PPP1R13B: variants seen among roughly 807,000 people sequenced by gnomAD.
PPP1R13B encodes apoptosis-stimulating of p53 protein 1.
Under a neutral mutation model 119.8 loss-of-function variants are expected in PPP1R13B, and 44 were observed. That is an observed-to-expected ratio of 0.37 (90% CI 0.29 to 0.47). The LOEUF (loss-of-function observed/expected upper bound fraction) is 0.47, where lower values mean the gene tolerates loss of function less well. PPP1R13B is among the 20% of genes least tolerant of loss of function. PPP1R13B has a pLI of 0.99. For missense variants in PPP1R13B, 1,227 were observed against 1,413.5 expected (o/e 0.87, Z 2.12); for synonymous variants, 542 against 561.5 (o/e 0.97, Z 0.49).
At chr14:103,769,039 A>G (rs2085003059) in intron 4 of PPP1R13B, among the ~76,000 whole-genome samples, 1 of 152,146 alleles carries the variant, frequency 6.6e-6, no homozygotes, top group Non-Finnish European at 1.5e-5. Context: ...GTTTACAGAA[A>G]ATGTCTTTAA....
chr14:103,833,124 G>A (rs1027768613), intron 1 of PPP1R13B, among the ~76,000 whole-genome samples: 7 of 152,178 alleles, frequency 4.6e-5, no homozygotes, highest in African/African-American at 1.7e-4. Flanking sequence ...ACTTAAAAAT[G>A]GCTAAAATGG....
intron 1 of PPP1R13B, among the ~76,000 whole-genome samples, chr14:103,798,148 ATC>A (rs959236235): frequency 7.8e-6 from 1 of 127,566 alleles, no homozygotes; most frequent in Non-Finnish European, 1.7e-5. Context: ...AAATATAATA[ATC>A]TCTTTTTTTT....
In PPP1R13B at chr14:103,734,293, C is replaced by T. The variant is rs894719777; in HGVS notation, c.*861G>A. On this transcript the variant is annotated 3_prime_UTR_variant, in exon 17 of 17. Coordinates refer to ENST00000202556, the MANE Select transcript of PPP1R13B (RefSeq NM_015316.3). The stretch of plus-strand genomic sequence containing the variant: ...GCACCAAACAGCCCCGTCTACCTGG[C>T]CCTGGTCTGCCCTCACACCAGTCCA... 14 of 340,746 alleles carry T rather than the reference C, an allele frequency of 4.1e-5. No individual in the cohort carries two copies. Among genetic ancestry groups the T allele is most frequent in the Admixed American group, 1.5e-4 (4 of 26,532 alleles). 21.1% of individuals were successfully genotyped at this position (340,746 alleles called of 1,614,324 possible).
In PPP1R13B at chr14:103,741,899, G is replaced by C. The variant is rs762321356; in HGVS notation, c.1713C>G (p.Pro571=). Residue 571 remains proline, a synonymous_variant, in exon 11 of 17, where the codon CCC becomes CCG. Transcript: ENST00000202556. ...ATATGGAACTTGAATTCACTGTCTG[G>C]GGTCCTTTCCTGGGAGACTGTGGCC... ...GSRPQSPRKG[P]QTVNSSSIYS... 9.3e-6 allele frequency: 15 copies of C among 1,614,210 alleles called. No individual in the cohort carries two copies. Among genetic ancestry groups the C allele is most frequent in the Non-Finnish European group, 1.3e-5 (15 of 1,180,034 alleles).
rs1331835693 is a variant in PPP1R13B at position 103,740,673 on chromosome 14, C to G, written c.1823-80G>C. On this transcript the variant is annotated intron_variant, in intron 11 of 16. Transcript: ENST00000202556. The surrounding 1 kb of genome is among the most constrained non-coding windows in gnomAD (Gnocchi z 4.6). ...TACACACCTATGATTACACCAGAGACAGGCTCCTGCAAAGACACACATATA... is the reference window on the plus strand; with the variant it reads ...TACACACCTATGATTACACCAGAGAGAGGCTCCTGCAAAGACACACATATA... 1 of 1,219,208 alleles carries G rather than the reference C, an allele frequency of 8.2e-7. No individual in the cohort carries two copies. The highest frequency in any genetic ancestry group is 1.1e-6 in the Non-Finnish European group (1 of 928,090). 75.5% of individuals were successfully genotyped at this position (1,219,208 alleles called of 1,614,324 possible). A position where few individuals can be genotyped will look rare whatever the true frequency, so the allele number is the denominator to read the frequency against.
At chr14:103,772,599 C>G (rs2085097213) in intron 4 of PPP1R13B, among the ~76,000 whole-genome samples, 3 of 151,942 alleles carry the variant, frequency 2.0e-5, no homozygotes, top group Admixed American at 1.3e-4. Context: ...TGGTGAACAC[C>G]TTTCCATGTG....
chr14:103,776,103 C>T (rs1438071750), intron 4 of PPP1R13B, among the ~76,000 whole-genome samples: 11 of 147,360 alleles, frequency 7.5e-5, no homozygotes, highest in Non-Finnish European at 1.5e-4. Flanking sequence ...TATTGTCAAC[C>T]TTTACAACAT....
chr14:103,800,287 T>C (rs975336498), intron 1 of PPP1R13B, among the ~76,000 whole-genome samples: 3 of 152,070 alleles, frequency 2.0e-5, no homozygotes, highest in Non-Finnish European at 4.4e-5. Flanking sequence ...CACTGCACTC[T>C]AGCCTGGGCA....
chr14:103,790,616 A>G (rs1372953809), intron 2 of PPP1R13B, among the ~76,000 whole-genome samples: 1 of 151,314 alleles, frequency 6.6e-6, no homozygotes, highest in African/African-American at 2.4e-5. Context: ...ATCTTTACTA[A>G]AAGTGCAGAA....
At chr14:103,787,754 C>T (rs879601008) in intron 2 of PPP1R13B, among the ~76,000 whole-genome samples, 3 of 149,266 alleles carry the variant, frequency 2.0e-5, no homozygotes, top group African/African-American at 4.9e-5. Context: ...CCGGGTTTTA[C>T]GCCATTCTCC....
rs984354961 is a variant in PPP1R13B at position 103,733,635 on chromosome 14, A to C, written c.*1519T>G. On this transcript the variant is annotated 3_prime_UTR_variant, in exon 17 of 17. Coordinates refer to ENST00000202556, the MANE Select transcript of PPP1R13B (RefSeq NM_015316.3). Reference sequence around the variant, plus strand: ...TGACTGTACAGCAATTTGTATATAAAGCTTATGATTAAAAACTATTTTGAA... The same window carrying C: ...TGACTGTACAGCAATTTGTATATAACGCTTATGATTAAAAACTATTTTGAA... The C allele has an allele frequency of 6.5e-6, 1 of 152,748 alleles. No individual in the cohort carries two copies. The highest frequency in any genetic ancestry group is 2.4e-5 in the African/African-American group (1 of 41,464). The allele number at this position is 152,748 out of a possible 1,614,324, so 9.5% of individuals were successfully genotyped here. A position where few individuals can be genotyped will look rare whatever the true frequency, so the allele number is the denominator to read the frequency against.
chr14:103,780,156 A>G (rs1465134423), intron 3 of PPP1R13B, among the ~76,000 whole-genome samples: 3 of 147,060 alleles, frequency 2.0e-5, no homozygotes, highest in Non-Finnish European at 4.5e-5. Context: ...CTCAAAAAAA[A>G]CCAAAACTAA....
At chr14:103,784,705 G>A (rs2085415802) in intron 3 of PPP1R13B, 90 bp downstream of exon 3, 3 of 1,298,938 alleles carry the variant, frequency 2.3e-6, no homozygotes, top group Non-Finnish European at 2.1e-6. Context: ...AGGGCCGGGT[G>A]TGTGTGAATA....
intron 1 of PPP1R13B, among the ~76,000 whole-genome samples, chr14:103,808,223 G>A (rs1310132357): frequency 8.6e-5 from 13 of 150,366 alleles, no homozygotes; most frequent in African/African-American, 2.9e-4. Flanking sequence ...CAGCCCGGGC[G>A]ACAGTGACTC....
At position 103,829,978 on chromosome 14, in the gene PPP1R13B, C is replaced by T. The variant is rs980564644; in HGVS notation, c.9+17321G>A. Among the ~76,000 whole-genome samples, 38 of 152,082 alleles carry T rather than the reference C, an allele frequency of 2.5e-4. No homozygotes were observed. The East Asian group carries it at 2.9e-3, about 12-fold the overall frequency. ...ATTTTTAGTAGAGACAGGGTTTCAC[C>T]GTGTTGGCCAGGATGGTCTCCATCT... is the stretch of plus-strand genomic sequence containing the variant. On this transcript the variant is annotated intron_variant, in intron 1 of 16. Transcript: ENST00000202556.
chr14:103,785,288 T>C (rs923090400), intron 2 of PPP1R13B, among the ~76,000 whole-genome samples: 1 of 152,164 alleles, frequency 6.6e-6, no homozygotes, highest in African/African-American at 2.4e-5. Flanking sequence ...GGCACCATCT[T>C]GGCTCACCGC....
intron 4 of PPP1R13B, among the ~76,000 whole-genome samples, chr14:103,760,713 C>T (rs554621218): frequency 1.3e-5 from 2 of 152,206 alleles, no homozygotes; most frequent in African/African-American, 4.8e-5. Flanking sequence ...TACTCATGAA[C>T]CCAGCTCACT....
chr14:103,799,535 A>G (rs1356714328), intron 1 of PPP1R13B, among the ~76,000 whole-genome samples: 1 of 149,198 alleles, frequency 6.7e-6, no homozygotes, highest in Non-Finnish European at 1.5e-5. Flanking sequence ...CTGATCTGGA[A>G]CTCCTGACCT....
intron 12 of PPP1R13B, 94 bp from the exon 13 acceptor site, chr14:103,739,117 C>T (rs2084184105): frequency 6.6e-7 from 1 of 1,509,946 alleles, no homozygotes; most frequent in South Asian, 1.3e-5. Context: ...AGCTAAAGCC[C>T]AAAGACAGTG....
Sources: allele counts gnomAD v4.1 joint callset (sites outside exome capture counted in the v4.1 genomes callset), GRCh38; gene constraint gnomAD v4.1.1; non-coding constraint Gnocchi (gnomAD v3.1); transcripts MANE v1.5; gene names NCBI Gene and HGNC (gene_info 2026-07-23, HGNC 2026-07-21).